Variants in CNTN4 observed in about 807,000 individuals in gnomAD.
CNTN4 encodes the protein contactin-4.
CNTN4 carries 77 observed loss-of-function variants against 122.5 expected under a neutral mutation model. The observed-to-expected ratio is 0.63, with a 90% CI of 0.52 to 0.76. The LOEUF is 0.76. Ranked by LOEUF, CNTN4 falls within the 30% of genes least tolerant of loss-of-function variation. CNTN4 has a pLI of 0.00. For synonymous variants in CNTN4, 512 were observed against 447.0 expected (o/e 1.15, Z -1.83); for missense variants, 1,256 against 1,259.1 (o/e 1.00, Z 0.04).
At chr3:2,922,966 G>T (rs544793763) in intron 12 of CNTN4, among the ~76,000 whole-genome samples, 2 of 152,092 alleles carry the variant, frequency 1.3e-5, no homozygotes, top group African/African-American at 4.8e-5. Flanking sequence ...GTCTTATCTC[G>T]ATAAGATATC....
intron 2 of CNTN4, among the ~76,000 whole-genome samples, chr3:2,254,296 G>A (rs547055136): frequency 1.3e-5 from 2 of 152,226 alleles, no homozygotes; most frequent in South Asian, 4.2e-4. Flanking sequence ...GTCATTGATG[G>A]GCATACGGGT....
chr3:2,644,738 C>T (rs905981151), intron 4 of CNTN4, among the ~76,000 whole-genome samples: 4 of 146,588 alleles, frequency 2.7e-5, no homozygotes, highest in South Asian at 2.3e-4. Flanking sequence ...TGAAAATGGG[C>T]GCAGGCTTTT....
intron 4 of CNTN4, among the ~76,000 whole-genome samples, chr3:2,607,012 A>G (rs1305700104): frequency 6.6e-6 from 1 of 152,122 alleles, no homozygotes; most frequent in Non-Finnish European, 1.5e-5. Context: ...CTTCGCTTCC[A>G]CAGTCTCCTA....
intron 4 of CNTN4, among the ~76,000 whole-genome samples, chr3:2,684,793 A>T (rs1427593099): frequency 1.3e-5 from 2 of 152,252 alleles, no homozygotes; most frequent in East Asian, 3.9e-4. Flanking sequence ...TTTGTTGCCC[A>T]TGTTGTTTTG....
At chr3:2,487,441 C>T in intron 3 of CNTN4, among the ~76,000 whole-genome samples, 1 of 152,170 alleles carries the variant, frequency 6.6e-6, no homozygotes, top group East Asian at 1.9e-4. Context: ...ACCAGCCAAG[C>T]ATTTATCCTT....
intron 4 of CNTN4, among the ~76,000 whole-genome samples, chr3:2,643,574 G>A (rs1051654301): frequency 2.0e-5 from 3 of 152,144 alleles, no homozygotes; most frequent in Non-Finnish European, 4.4e-5. Context: ...AAAACTGTGC[G>A]AGATGCTGAG....
At chr3:2,798,652 G>A (rs998491707) in intron 6 of CNTN4, among the ~76,000 whole-genome samples, 11 of 152,142 alleles carry the variant, frequency 7.2e-5, no homozygotes, top group Non-Finnish European at 1.0e-4. Flanking sequence ...TAGGACCATA[G>A]GCACGCAACA....
At chr3:2,787,761 C>T (rs1287622073) in intron 6 of CNTN4, among the ~76,000 whole-genome samples, 2 of 151,336 alleles carry the variant, frequency 1.3e-5, no homozygotes, top group South Asian at 2.1e-4. Flanking sequence ...GTACTTATCA[C>T]ACAGTCCTGC....
At chr3:2,380,183 T>A (rs1156751123) in intron 3 of CNTN4, among the ~76,000 whole-genome samples, 1 of 152,218 alleles carries the variant, frequency 6.6e-6, no homozygotes, top group Non-Finnish European at 1.5e-5. Context: ...CTCTATCCAT[T>A]GTGTTTTCAC....
intron 6 of CNTN4, among the ~76,000 whole-genome samples, chr3:2,756,600 A>G (rs1465868598): frequency 6.6e-6 from 1 of 152,228 alleles, no homozygotes; most frequent in Non-Finnish European, 1.5e-5. Context: ...TATTTGGAAA[A>G]ACGGTCTTTC....
At chr3:2,822,141 T>C (rs576540833) in intron 7 of CNTN4, among the ~76,000 whole-genome samples, 2 of 152,356 alleles carry the variant, frequency 1.3e-5, no homozygotes, top group South Asian at 4.1e-4. Flanking sequence ...CTAGGTTTGA[T>C]TTCAGAGGTC....
At chr3:2,835,506 C>T (rs554111447) in intron 7 of CNTN4, among the ~76,000 whole-genome samples, 125 of 151,556 alleles carry the variant, frequency 8.2e-4, no homozygotes, top group African/African-American at 2.9e-3. Flanking sequence ...CATGTTCAGC[C>T]AAAAAAAATT....
intron 7 of CNTN4, among the ~76,000 whole-genome samples, chr3:2,852,394 A>G (rs894683873): frequency 2.6e-5 from 4 of 152,186 alleles, no homozygotes; most frequent in African/African-American, 9.7e-5. Flanking sequence ...ACCTGATCTG[A>G]TAATATTAAG....
intron 2 of CNTN4, among the ~76,000 whole-genome samples, chr3:2,102,840 A>G (rs901612223): frequency 6.6e-6 from 1 of 152,096 alleles, no homozygotes; most frequent in Non-Finnish European, 1.5e-5. Flanking sequence ...AACAACTAGC[A>G]TTCTCTGATG....
At position 2,149,329 on chromosome 3, in the gene CNTN4, C is replaced by T. The variant is rs80124663; in HGVS notation, c.-145+48690C>T. Reference sequence around the variant, plus strand: ...ACACTTCCATTTGTCTGTTTTCATGCGGAGCACATTTATATGAGGGTAAGT... The same window carrying T: ...ACACTTCCATTTGTCTGTTTTCATGTGGAGCACATTTATATGAGGGTAAGT... On this transcript the variant is annotated intron_variant, in intron 2 of 24. Transcript: ENST00000418658. 7.9e-5 allele frequency among the ~76,000 whole-genome samples: 12 copies of T among 152,144 alleles called. No individual in the cohort carries two copies. The East Asian group carries it at 2.3e-3, about 29-fold the overall frequency.
intron 3 of CNTN4, among the ~76,000 whole-genome samples, chr3:2,432,995 G>C (rs1408238402): frequency 2.0e-5 from 3 of 151,650 alleles, no homozygotes; most frequent in African/African-American, 4.8e-5. Flanking sequence ...TTGTTTGTTT[G>C]TTTGTTTAGT....
chr3:2,935,543 A>T (rs957857041), intron 13 of CNTN4, among the ~76,000 whole-genome samples: 7 of 152,194 alleles, frequency 4.6e-5, no homozygotes, highest in Non-Finnish European at 1.0e-4. Flanking sequence ...CCTCTGAGAA[A>T]TTCAATTGAA....
At chr3:2,119,755 T>C (rs1356904776) in intron 2 of CNTN4, among the ~76,000 whole-genome samples, 1 of 151,382 alleles carries the variant, frequency 6.6e-6, no homozygotes, top group East Asian at 2.0e-4. Context: ...TACTAAGCCG[T>C]AGGACCAAGC....
chr3:2,429,693 G>GAGGC (rs2047986484), intron 3 of CNTN4, among the ~76,000 whole-genome samples: 1 of 152,186 alleles, frequency 6.6e-6, no homozygotes, highest in South Asian at 2.1e-4. Context: ...GGAGTCTACA[G>GAGGC]AGGCAGGCAG....
Sources: gnomAD v4.1 joint callset for allele counts (sites outside exome capture counted in the v4.1 genomes callset) on GRCh38, gnomAD v4.1.1 for gene constraint, MANE v1.5 for transcripts, NCBI Gene and HGNC (gene_info 2026-07-23, HGNC 2026-07-21) for gene names.